The following GRIN2B variants were observed in gnomAD, a reference collection of about 807,000 sequenced individuals.
GRIN2B encodes the protein glutamate receptor ionotropic, NMDA 2B.
A neutral mutation model predicts 114.5 loss-of-function variants in GRIN2B; 5 were observed. The observed-to-expected ratio is 0.04, with a 90% confidence interval of 0.02 to 0.09. The LOEUF (loss-of-function observed/expected upper bound fraction) is 0.09. GRIN2B is among the 10% of genes least tolerant of loss of function. GRIN2B has a pLI of 1.00. For synonymous variants in GRIN2B, 787 were observed against 745.1 expected (o/e 1.06, Z -0.92); for missense variants, 1,108 against 1,943.5 (o/e 0.57, Z 8.08).
At chr12:13,760,493 A>G (rs559933548) in intron 3 of GRIN2B, among the ~76,000 whole-genome samples, 1 of 152,318 alleles carries the variant, frequency 6.6e-6, no homozygotes, top group South Asian at 2.1e-4. Context: ...TCCTGTTAGT[A>G]CACTAGTATA....
rs1805556 is a variant in GRIN2B, at chr12:13,755,325, C to T, written c.412-1410G>A. On this transcript the variant is annotated intron_variant, in intron 3 of 13. Transcript: ENST00000609686. Reference sequence around the variant, plus strand: ...AATATCCAGCTGGTATCCAAAAATCCTGATTCGGCAATGAGAGCTGCCAGC... The same window carrying T: ...AATATCCAGCTGGTATCCAAAAATCTTGATTCGGCAATGAGAGCTGCCAGC... Among the ~76,000 whole-genome samples, 27 of 152,272 alleles carry T rather than the reference C, an allele frequency of 1.8e-4. No individual in the cohort carries two copies. In the East Asian group the frequency reaches 5.2e-3, roughly 29 times the overall value.
At chr12:13,859,654 G>A (rs766694905) in intron 3 of GRIN2B, among the ~76,000 whole-genome samples, 1 of 152,130 alleles carries the variant, frequency 6.6e-6, no homozygotes, top group Non-Finnish European at 1.5e-5. Flanking sequence ...AAGTCTTAAA[G>A]TCAAGCATGT....
intron 3 of GRIN2B, among the ~76,000 whole-genome samples, chr12:13,834,736 T>C (rs1865224650): frequency 1.3e-5 from 2 of 152,228 alleles, no homozygotes; most frequent in African/African-American, 4.8e-5. Flanking sequence ...ATAGCCACTT[T>C]ATAGCCAAAC....
At chr12:13,780,716 G>A (rs1387880478) in intron 3 of GRIN2B, among the ~76,000 whole-genome samples, 1 of 151,796 alleles carries the variant, frequency 6.6e-6, no homozygotes, top group East Asian at 1.9e-4. Context: ...AATGTCAAGA[G>A]TGAGAAATAA....
intron 3 of GRIN2B, among the ~76,000 whole-genome samples, chr12:13,776,128 G>T (rs575743431): frequency 6.6e-6 from 1 of 152,304 alleles, no homozygotes; most frequent in African/African-American, 2.4e-5. Context: ...TCTTGGCAAG[G>T]ACATGGATGG....
intron 4 of GRIN2B, among the ~76,000 whole-genome samples, chr12:13,752,054 C>T (rs560550919): frequency 6.6e-6 from 1 of 152,194 alleles, no homozygotes; most frequent in African/African-American, 2.4e-5. Flanking sequence ...ACAGATATAA[C>T]TACTGTGAAC....
intron 3 of GRIN2B, among the ~76,000 whole-genome samples, chr12:13,814,741 T>C (rs1036873450): frequency 1.3e-5 from 2 of 152,216 alleles, no homozygotes; most frequent in African/African-American, 2.4e-5. Context: ...ATGGAGCATT[T>C]GAAATGAAGC....
chr12:13,619,234 C>T (rs549600955), intron 5 of GRIN2B, among the ~76,000 whole-genome samples: 17 of 152,260 alleles, frequency 1.1e-4, no homozygotes, highest in African/African-American at 3.9e-4. Flanking sequence ...TGAAATGTAA[C>T]AGTATTTGTA....
chr12:13,882,200 A>G (rs1866082427), intron 2 of GRIN2B, among the ~76,000 whole-genome samples: 1 of 152,230 alleles, frequency 6.6e-6, no homozygotes, highest in African/African-American at 2.4e-5. Context: ...ACAGTTCCTG[A>G]CCTAGAATGC....
chr12:13,633,008 G>C (rs1407788281), intron 5 of GRIN2B, among the ~76,000 whole-genome samples: 1 of 152,206 alleles, frequency 6.6e-6, no homozygotes, highest in African/African-American at 2.4e-5. Flanking sequence ...GAGAGACTGT[G>C]TGGGTCCCTG....
At chr12:13,853,847 A>G (rs1050625684) in intron 3 of GRIN2B, among the ~76,000 whole-genome samples, 1 of 152,250 alleles carries the variant, frequency 6.6e-6, no homozygotes, top group African/African-American at 2.4e-5. Context: ...CCCCGAAATA[A>G]TTAATTCATC....
At chr12:13,931,250 G>T (rs1460940788) in intron 2 of GRIN2B, among the ~76,000 whole-genome samples, 1 of 152,166 alleles carries the variant, frequency 6.6e-6, no homozygotes, top group Non-Finnish European at 1.5e-5. Context: ...TACTGAAATT[G>T]CTTGCATAGA....
At chr12:13,880,657 C>G (rs546236370) in intron 2 of GRIN2B, among the ~76,000 whole-genome samples, 5 of 152,178 alleles carry the variant, frequency 3.3e-5, no homozygotes, top group African/African-American at 1.2e-4. Flanking sequence ...GATTAAGAAA[C>G]TGAAGTGCTT....
intron 2 of GRIN2B, among the ~76,000 whole-genome samples, chr12:13,938,668 T>G (rs1385550680): frequency 6.6e-6 from 1 of 152,218 alleles, no homozygotes; most frequent in Non-Finnish European, 1.5e-5. Context: ...TATGAAATTC[T>G]AGAGCAAAGC....
chr12:13,812,207 T>C (rs1864743582), intron 3 of GRIN2B, among the ~76,000 whole-genome samples: 1 of 152,082 alleles, frequency 6.6e-6, no homozygotes, highest in Admixed American at 6.6e-5. Context: ...AAAGACACTG[T>C]GCAGCCCCAC....
chr12:13,577,348 A>T (rs188060530), intron 10 of GRIN2B, among the ~76,000 whole-genome samples: 5 of 152,324 alleles, frequency 3.3e-5, no homozygotes, highest in African/African-American at 9.6e-5. Context: ...GGGAATCAGA[A>T]TTCAGCCCTC....
chr12:13,710,375 C>T (rs1950402995), intron 4 of GRIN2B, among the ~76,000 whole-genome samples: 1 of 151,998 alleles, frequency 6.6e-6, no homozygotes, highest in Non-Finnish European at 1.5e-5. Flanking sequence ...GAAGTTCTGG[C>T]CAGGGCAATT....
At chr12:13,610,628 T>G (rs1231781141) in intron 9 of GRIN2B, among the ~76,000 whole-genome samples, 4 of 152,172 alleles carry the variant, frequency 2.6e-5, no homozygotes, top group African/African-American at 9.7e-5. Context: ...AATACTTCAG[T>G]AAAGTGTTGT....
intron 5 of GRIN2B, among the ~76,000 whole-genome samples, chr12:13,618,785 A>T (rs989564538): frequency 6.6e-6 from 1 of 152,234 alleles, no homozygotes; most frequent in African/African-American, 2.4e-5. Context: ...AGTTGTTGGT[A>T]TTAAGAGCTA....
Sources: allele counts gnomAD v4.1 joint callset (sites outside exome capture counted in the v4.1 genomes callset), GRCh38; gene constraint gnomAD v4.1.1; transcripts MANE v1.5; gene names NCBI Gene and HGNC (gene_info 2026-07-23, HGNC 2026-07-21).